COL3A1: variants seen among roughly 807,000 people sequenced by gnomAD.
COL3A1 encodes collagen alpha-1(III) chain.
In COL3A1, 46 loss-of-function variants were observed where a neutral mutation model predicts 200.9. That is an observed-to-expected ratio of 0.23 (90% CI 0.18 to 0.29). The LOEUF (loss-of-function observed/expected upper bound fraction) is 0.29. COL3A1 is among the 10% of genes least tolerant of loss of function. The pLI, the probability that COL3A1 is intolerant of heterozygous loss-of-function variation, is 1.00. For missense variants in COL3A1, 1,367 were observed against 1,917.6 expected (o/e 0.71, Z 5.36); for synonymous variants, 650 against 628.0 (o/e 1.03, Z -0.52).
At chr2:188,975,231 C>G (rs571370241) in intron 1 of COL3A1, among the ~76,000 whole-genome samples, 1 of 152,096 alleles carries the variant, frequency 6.6e-6, no homozygotes, top group African/African-American at 2.4e-5. Context: ...ACATATTCTA[C>G]GTTTTAACCA....
chr2:189,005,892 A>C (rs1688575121), intron 41 of COL3A1, among the ~76,000 whole-genome samples: 1 of 152,196 alleles, frequency 6.6e-6, no homozygotes. Flanking sequence ...TGATTAAAGC[A>C]AACTAATTAA....
At chr2:188,999,160 A>G in intron 29 of COL3A1, 125 bp from the exon 30 acceptor site, 2 of 921,512 alleles carry the variant, frequency 2.2e-6, no homozygotes. Context: ...ATTTTTAAGT[A>G]TACAAATTTC....
At chr2:189,006,661 A>G (rs1397812727) in intron 43 of COL3A1, among the ~76,000 whole-genome samples, 1 of 152,160 alleles carries the variant, frequency 6.6e-6, no homozygotes, top group East Asian at 1.9e-4. Flanking sequence ...TCATTACTGA[A>G]ACCCGAAATC....
At chr2:189,001,681 C>G in intron 34 of COL3A1, 92 bp downstream of exon 34, 1 of 1,268,754 alleles carries the variant, frequency 7.9e-7, no homozygotes, top group Non-Finnish European at 1.2e-6. Flanking sequence ...GCCCTCAGTT[C>G]CCTGAGCCTC....
rs539272052 is a variant in COL3A1 at position 189,006,576 on chromosome 2, T to C, written c.3201+124T>C. 4 of 939,672 alleles carry C rather than the reference T, an allele frequency of 4.3e-6. No homozygotes were observed. In the South Asian group the frequency reaches 5.6e-5, roughly 13 times the overall value. 58.2% of individuals were successfully genotyped at this position (939,672 alleles called of 1,614,324 possible). On this transcript the variant is annotated intron_variant, in intron 43 of 50. Coordinates refer to ENST00000304636, the MANE Select transcript of COL3A1 (RefSeq NM_000090.4). ...TCCACTGTCATTTGTTTTACAGTTT[T>C]AATGCTAGTTGTTCCTTAGACAAAT...
Position 189,008,124 on chromosome 2 carries a change from A to C in COL3A1, c.3507A>C (p.Arg1169Ser). Reference sequence around the variant, plus strand: ...GACCACCAGGGCCTCGAGGTAACAGAGGTGAAAGAGGATCTGAGGTAAGAC... The same window carrying C: ...GACCACCAGGGCCTCGAGGTAACAGCGGTGAAAGAGGATCTGAGGTAAGAC... The part of the protein sequence containing the change: ...PIGPPGPRGN[R>S]GERGSEGSPG... Residue 1169 changes from arginine to serine, a missense_variant, in exon 47 of 51, where the codon AGA (arginine) becomes AGC (serine). Arg to Ser is a moderately radical substitution (Grantham distance 110). Around this residue, in one of 5 missense-constraint regions of COL3A1, gnomAD observed 846 missense variants for 1,147.9 expected, o/e 0.74. Transcript: ENST00000304636. 1 of 1,613,260 alleles carries C rather than the reference A, an allele frequency of 6.2e-7. No homozygotes were observed. The highest frequency in any genetic ancestry group is 1.1e-5 in the South Asian group (1 of 90,884).
intron 45 of COL3A1, 138 bp downstream of exon 45, chr2:189,007,745 T>G (rs1187219365): frequency 8.0e-7 from 1 of 1,244,574 alleles, no homozygotes; most frequent in Non-Finnish European, 1.2e-6. Context: ...GAAACAACAA[T>G]CAGCATGACA....
chr2:189,008,875 T>G (rs1462372663), intron 47 of COL3A1, 49 bp from the exon 48 acceptor site: 5 of 1,562,672 alleles, frequency 3.2e-6, no homozygotes, highest in Non-Finnish European at 1.8e-6. Flanking sequence ...ATTCTTAGAG[T>G]GGCGACTGAA....
intron 28 of COL3A1, 121 bp downstream of exon 28, chr2:188,998,440 A>AT: frequency 1.0e-6 from 1 of 1,001,290 alleles, no homozygotes; most frequent in Non-Finnish European, 1.5e-6. Flanking sequence ...TTTAGTTTTG[A>AT]AATATTATCA....
chr2:188,988,666 T>G (rs1346164778), intron 7 of COL3A1, 23 bp downstream of exon 7: 1 of 1,554,508 alleles, frequency 6.4e-7, no homozygotes, highest in South Asian at 1.1e-5. Flanking sequence ...TAAATTTATA[T>G]TTAGTAAGTC....
rs1385895806 is a variant in COL3A1 at position 188,993,374 on chromosome 2, C to G, written c.1064C>G (p.Pro355Arg). The change falls in exon 16 of 51, where the codon CCT (proline) becomes CGT (arginine). Residue 355 changes from proline to arginine, a missense_variant. By Grantham distance (103) the Pro-to-Arg change is moderately radical. Around this residue, in one of 5 missense-constraint regions of COL3A1, gnomAD observed 462 missense variants for 681.4 expected, o/e 0.68. Coordinates refer to ENST00000304636, the MANE Select transcript of COL3A1 (RefSeq NM_000090.4). ...GSPGAKGEVGPAGSPGSNGAP... is the reference protein window; with the variant it reads ...GSPGAKGEVGRAGSPGSNGAP... ...TTTTACCATTAGGGTGAAGTTGGAC[C>G]TGCAGGGTCTCCTGGTTCAAATGGT... The G allele has an allele frequency of 6.4e-7, 1 of 1,569,804 alleles. No homozygotes were observed. The highest frequency in any genetic ancestry group is 8.6e-7 in the Non-Finnish European group (1 of 1,156,260).
At position 188,996,001 on chromosome 2, in the gene COL3A1, A is replaced by G. The variant is rs41263747; in HGVS notation, c.1609-124A>G. ...TGCCTTAGATACTTTATAGACAGGA[A>G]AAAAGATGTGCAAATCTGAGGCTTC... On this transcript the variant is annotated intron_variant, in intron 22 of 50. Transcript: ENST00000304636. The G allele has an allele frequency of 2.6e-3, 2,731 of 1,035,776 alleles. 57 individuals carry two copies. The African/African-American group carries it at 0.039, about 15-fold the overall frequency. The allele number at this position is 1,035,776 out of a possible 1,614,324, so 64.2% of individuals were successfully genotyped here.
Position 188,997,234 on chromosome 2 carries a change from C to A in COL3A1, c.1815+16C>A. On this transcript the variant is annotated intron_variant, in intron 25 of 50. Transcript: ENST00000304636. ...TGGCCCTCAGGTACGTAGCTTTCCT[C>A]AATTTATTTCTAGCCTTCTAATAGA... is the stretch of plus-strand genomic sequence containing the variant. 6.2e-7 allele frequency: 1 copy of A among 1,613,980 alleles called. No homozygotes were observed. The highest frequency in any genetic ancestry group is 1.3e-5 in the African/African-American group (1 of 74,968).
chr2:189,010,267 G>T lies in COL3A1; in HGVS notation c.3913G>T (p.Ala1305Ser), dbSNP rs1688691968. 6.2e-7 allele frequency: 1 copy of T among 1,614,164 alleles called. No individual in the cohort carries two copies. The highest frequency in any genetic ancestry group is 8.5e-7 in the Non-Finnish European group (1 of 1,180,008). Residue 1305 changes from alanine (A) to serine (S), a missense_variant, in exon 49 of 51, where the codon GCC (alanine) becomes TCC (serine). Ala to Ser is a moderately conservative substitution (Grantham distance 99, BLOSUM62 1). Transcript: ENST00000304636. ...NMETGETCIS[A>S]NPLNVPRKHW... ...GGAAACTGGGGAAACATGCATAAGTGCCAATCCTTTGAATGTTCCACGGAA... is the reference window on the plus strand; with the variant it reads ...GGAAACTGGGGAAACATGCATAAGTTCCAATCCTTTGAATGTTCCACGGAA...
At chr2:188,988,529 T>A (rs751697157) in intron 6 of COL3A1, 61 bp from the exon 7 acceptor site, 2 of 1,168,502 alleles carry the variant, frequency 1.7e-6, no homozygotes, top group Non-Finnish European at 2.5e-6. Context: ...ACTGTCAAGA[T>A]GTAAATGAAT....
At chr2:188,998,742 C>A in intron 29 of COL3A1, 24 bp downstream of exon 29, 1 of 1,609,226 alleles carries the variant, frequency 6.2e-7, no homozygotes, top group Non-Finnish European at 8.5e-7. Context: ...TTATTCTCTA[C>A]CTTCTTCAGC....
At chr2:188,979,669 A>T (rs1226017358) in intron 1 of COL3A1, among the ~76,000 whole-genome samples, 1 of 151,798 alleles carries the variant, frequency 6.6e-6, no homozygotes, top group Non-Finnish European at 1.5e-5. Context: ...TTTTGCAAAG[A>T]ACTGTTGTCC....
Position 188,995,033 on chromosome 2 carries a change from T to G in COL3A1, c.1456-13T>G. 1.2e-6 allele frequency: 2 copies of G among 1,614,032 alleles called. No homozygotes were observed. The highest frequency in any genetic ancestry group is 1.7e-6 in the Non-Finnish European group (2 of 1,179,850). On this transcript the variant is annotated splice_polypyrimidine_tract_variant and intron_variant, in intron 20 of 50. Transcript: ENST00000304636. ...TCCTTTGGACTGAAATACTTGTCTTTCATTATTTTCAGGGTGCCCCTGGGT... is the reference window on the plus strand; with the variant it reads ...TCCTTTGGACTGAAATACTTGTCTTGCATTATTTTCAGGGTGCCCCTGGGT...
intron 10 of COL3A1, 88 bp from the exon 11 acceptor site, chr2:188,990,916 C>T: frequency 7.4e-7 from 1 of 1,343,722 alleles, no homozygotes. Context: ...TTATGAAGAC[C>T]AATTAGAAAA....
Sources: gnomAD v4.1 joint callset for allele counts (sites outside exome capture counted in the v4.1 genomes callset) on GRCh38, gnomAD v4.1.1 for gene constraint, gnomAD v4.1.1 regional missense constraint, MANE v1.5 for transcripts, NCBI Gene and HGNC (gene_info 2026-07-23, HGNC 2026-07-21) for gene names.